CABIN1: variants seen among roughly 807,000 people sequenced by gnomAD.
CABIN1 encodes calcineurin-binding protein cabin-1.
CABIN1 carries 133 observed loss-of-function variants against 227.7 expected under a neutral mutation model. The observed-to-expected ratio is 0.58, with a 90% confidence interval of 0.51 to 0.67. CABIN1 has a LOEUF of 0.67. CABIN1 is among the 30% of genes least tolerant of loss of function. CABIN1 has a pLI of 0.00. For missense variants in CABIN1, 2,408 were observed against 2,852.5 expected (o/e 0.84, Z 3.55); for synonymous variants, 1,086 against 1,155.1 (o/e 0.94, Z 1.21).
chr22:24,062,473 T>A (rs974704902), intron 13 of CABIN1, among the ~76,000 whole-genome samples: 1 of 149,390 alleles, frequency 6.7e-6, no homozygotes, highest in Admixed American at 6.7e-5. Flanking sequence ...TTCTCCCATA[T>A]CAGCCTCCCG....
chr22:24,063,546 G>C (rs927073386), intron 14 of CABIN1, among the ~76,000 whole-genome samples: 2 of 152,132 alleles, frequency 1.3e-5, no homozygotes, highest in African/African-American at 4.8e-5. Context: ...TGTTTTATGA[G>C]AGTTCTGGGA....
At chr22:24,091,466 G>C in intron 23 of CABIN1, 117 bp from the exon 24 acceptor site, 3 of 1,254,420 alleles carry the variant, frequency 2.4e-6, no homozygotes, top group Non-Finnish European at 3.5e-6. Flanking sequence ...TCTGTGTCTT[G>C]GTTGTTAAGA....
intron 10 of CABIN1, among the ~76,000 whole-genome samples, chr22:24,058,134 G>A (rs2038936903): frequency 6.6e-6 from 1 of 152,008 alleles, no homozygotes. Context: ...TGGACTCAAG[G>A]GATCCTCCTG....
chr22:24,058,332 CT>C (rs2038949150), intron 10 of CABIN1, among the ~76,000 whole-genome samples: 1 of 152,208 alleles, frequency 6.6e-6, no homozygotes, highest in South Asian at 2.1e-4. Context: ...TTAGTTTCTG[CT>C]TCTTTGAATG....
chr22:24,166,900 C>G lies in CABIN1; in HGVS notation c.5269C>G (p.Pro1757Ala), dbSNP rs778941065. The change falls in exon 32 of 37, where the codon CCC (proline) becomes GCC (alanine). Residue 1757 changes from proline (P) to alanine (A), a missense_variant. By Grantham distance (27) the Pro-to-Ala change is conservative. Coordinates refer to ENST00000263119, the MANE Select transcript of CABIN1 (RefSeq NM_012295.4). ...RKDKESPRAG[P>A]TEPMDTSEAT... ...GGATAAAGAGAGCCCACGGGCAGGG[C>G]CCACTGAGCCCATGGACACGAGTGA... 6.2e-7 allele frequency: 1 copy of G among 1,608,248 alleles called. No homozygotes were observed. The highest frequency in any genetic ancestry group is 1.7e-5 in the Admixed American group (1 of 59,116).
Position 24,113,559 on chromosome 22 carries a change from C to A in CABIN1, c.4118-7C>A. The A allele has an allele frequency of 6.2e-7, 1 of 1,613,916 alleles. No individual in the cohort carries two copies. Among genetic ancestry groups the A allele is most frequent in the Non-Finnish European group, 8.5e-7 (1 of 1,179,930 alleles). ...CTCTCGCCCTCTCTTCCTCCTTCTC[C>A]CCTCAGACCGAAGCCAGGACAGCAC... On this transcript the variant is annotated splice_region_variant and splice_polypyrimidine_tract_variant and intron_variant, in intron 26 of 36. Coordinates refer to ENST00000263119, the MANE Select transcript of CABIN1 (RefSeq NM_012295.4).
intron 5 of CABIN1, among the ~76,000 whole-genome samples, 200 bp downstream of exon 5, chr22:24,041,473 A>C (rs2037367651): frequency 1.3e-5 from 2 of 152,162 alleles, no homozygotes. Flanking sequence ...GGGGCAGAGC[A>C]CATGCTTGGA....
chr22:24,119,662 T>C lies in CABIN1; in HGVS notation c.4596T>C (p.Arg1532=), dbSNP rs1418728303. The C allele has an allele frequency of 1.9e-6, 3 of 1,613,890 alleles. No homozygotes were observed. The highest frequency in any genetic ancestry group is 2.5e-6 in the Non-Finnish European group (3 of 1,180,040). ...RFPQHYKSLY[R]LAFLYTYSKT... ...CCCAGCACTATAAGAGTCTCTACCG[T>C]CTGGCCTTCCTCTACACCTACAGCA... Residue 1532 remains arginine, a synonymous_variant, in exon 28 of 37, where the codon CGT becomes CGC. Transcript: ENST00000263119.
At chr22:24,148,790 C>A (rs1357664703) in intron 29 of CABIN1, among the ~76,000 whole-genome samples, 1 of 152,228 alleles carries the variant, frequency 6.6e-6, no homozygotes, top group African/African-American at 2.4e-5. Flanking sequence ...TCAGGCTGCA[C>A]CCCCCTGCAG....
At chr22:24,085,981 C>G (rs550169363) in intron 22 of CABIN1, among the ~76,000 whole-genome samples, 6 of 152,320 alleles carry the variant, frequency 3.9e-5, no homozygotes, top group African/African-American at 1.4e-4. Flanking sequence ...CAGGGAAAAC[C>G]AGAGAATTCC....
intron 1 of CABIN1, among the ~76,000 whole-genome samples, chr22:24,015,123 G>C (rs993660173): frequency 2.6e-5 from 4 of 151,492 alleles, no homozygotes; most frequent in African/African-American, 9.7e-5. Context: ...AAAATTAGCC[G>C]GGTGTGGTGG....
rs767853053 is a variant in CABIN1, at chr22:24,043,091, CATGCTTTG to C, written c.526+15_526+22del. 1 of 1,613,200 alleles carries C rather than the reference CATGCTTTG, an allele frequency of 6.2e-7. No homozygotes were observed. The highest frequency in any genetic ancestry group is 1.3e-5 in the African/African-American group (1 of 74,784). On this transcript the variant is annotated splice_region_variant and intron_variant, in intron 6 of 36. Transcript: ENST00000263119. ...ACCCTCAGTGATTACACAAGTGAGT[CATGCTTTG>C]ATGCTTTCTTCCATGTGCCAGTGGT...
chr22:24,163,608 G>A (rs556961558), intron 29 of CABIN1, among the ~76,000 whole-genome samples: 1 of 152,152 alleles, frequency 6.6e-6, no homozygotes. Flanking sequence ...GGCCCCTGAG[G>A]TCCCACCCCA....
Position 24,168,521 on chromosome 22 carries a change from G to A in CABIN1, c.5757G>A (p.Gln1919=). 1.3e-6 allele frequency: 2 copies of A among 1,555,478 alleles called. No individual in the cohort carries two copies. Among genetic ancestry groups the A allele is most frequent in the Non-Finnish European group, 1.7e-6 (2 of 1,149,296 alleles). The change falls in exon 33 of 37, where the codon CAG becomes CAA. Residue 1919 remains glutamine, a splice_region_variant and synonymous_variant. Transcript: ENST00000263119. ...ATCTTGGGGCTGCCGCCCAGAGACA[G>A]GTAAGCCCAATTTAGCCTGTGCCAG... ...QVHLGAAAQR[Q]ASGDTPTTPK...
chr22:24,132,234 C>G (rs1602261277), intron 28 of CABIN1, among the ~76,000 whole-genome samples: 1 of 152,278 alleles, frequency 6.6e-6, no homozygotes, highest in East Asian at 1.9e-4. Flanking sequence ...AGGTTGTGAG[C>G]CCCTTTCTTG....
In CABIN1 at chr22:24,056,085, A is replaced by G. The variant is rs2051197; in HGVS notation, c.1094-107A>G. 2,617 of 945,358 alleles carry G rather than the reference A, an allele frequency of 2.8e-3. 47 individuals carry two copies. The African/African-American group carries it at 0.038, about 14-fold the overall frequency. The allele number at this position is 945,358 out of a possible 1,614,324, so 58.6% of individuals were successfully genotyped here. A position where few individuals can be genotyped will look rare whatever the true frequency, so the allele number is the denominator to read the frequency against. ...ATGGAAGATTTTTTGAATGTCAAAG[A>G]GTTTAATGCTAGTAGATTTATAAAA... On this transcript the variant is annotated intron_variant, in intron 9 of 36. Transcript: ENST00000263119.
chr22:24,073,923 C>G (rs1360641259), intron 18 of CABIN1, among the ~76,000 whole-genome samples: 1 of 152,186 alleles, frequency 6.6e-6, no homozygotes, highest in African/African-American at 2.4e-5. Context: ...ATTGAACCAT[C>G]CCCGCTGCTG....
chr22:24,096,727 G>A (rs924976695), intron 25 of CABIN1, among the ~76,000 whole-genome samples: 2 of 152,212 alleles, frequency 1.3e-5, no homozygotes, highest in South Asian at 2.1e-4. Context: ...TGTTGCAGCT[G>A]CCCATTAACC....
At chr22:24,125,254 G>A (rs1337585603) in intron 28 of CABIN1, among the ~76,000 whole-genome samples, 1 of 152,238 alleles carries the variant, frequency 6.6e-6, no homozygotes, top group Admixed American at 6.5e-5. Context: ...TGTGTGCTCA[G>A]CTGAAGGATC....
Sources: gnomAD v4.1 joint callset for allele counts (sites outside exome capture counted in the v4.1 genomes callset) on GRCh38, gnomAD v4.1.1 for gene constraint, MANE v1.5 for transcripts, NCBI Gene and HGNC (gene_info 2026-07-23, HGNC 2026-07-21) for gene names.